Variants in NELFCD observed in about 807,000 individuals in gnomAD.
NELFCD encodes negative elongation factor complex member C/D.
In NELFCD, 48 loss-of-function variants were observed where a neutral mutation model predicts 72.9. The observed-to-expected ratio is 0.66, with a 90% CI of 0.52 to 0.84. The LOEUF (loss-of-function observed/expected upper bound fraction) is 0.84. Among genes scored for constraint, NELFCD ranks in the 40% least tolerant of loss-of-function variants. The pLI is 0.00. For missense variants in NELFCD, 538 were observed against 723.8 expected, an observed-to-expected ratio of 0.74 and a Z score of 2.94; for synonymous variants, 297 against 280.6, an observed-to-expected ratio of 1.06 and a Z score of -0.59.
At chr20:58,983,945 G>C (rs1335319657) in intron 1 of NELFCD, among the ~76,000 whole-genome samples, 5 of 152,146 alleles carry the variant, frequency 3.3e-5, no homozygotes, top group Admixed American at 3.3e-4. Flanking sequence ...TCATGGATGA[G>C]GGGGGTGGAC....
Position 58,994,230 on chromosome 20 carries a change from G to A in NELFCD, c.1702G>A (p.Glu568Lys), listed in dbSNP as rs758741869. 8 of 1,614,114 alleles carry A rather than the reference G, an allele frequency of 5.0e-6. No homozygotes were observed. The Middle Eastern group carries it at 4.9e-4, about 100-fold the overall frequency. ...KTEGEHDPVT[E>K]FIAHCKSNFI... ...GGAAGGCGAGCATGACCCTGTGACG[G>A]AGTTTATAGGTGAGGCCGACTGCCT... is the stretch of plus-strand genomic sequence containing the variant. Residue 568 changes from glutamate (E) to lysine (K), a missense_variant, in exon 14 of 15, where the codon GAG becomes AAG. Glu to Lys is a moderately conservative substitution (Grantham distance 56). Coordinates refer to ENST00000652272, the MANE Select transcript of NELFCD (RefSeq NM_198976.4).
intron 7 of NELFCD, 141 bp downstream of exon 7, chr20:58,990,129 G>T: frequency 9.0e-7 from 1 of 1,116,682 alleles, no homozygotes; most frequent in Non-Finnish European, 1.3e-6. Flanking sequence ...GGGCGTGGTG[G>T]CTCACGCCTG....
chr20:58,992,083 AT>A, intron 10 of NELFCD, 63 bp downstream of exon 10: 1 of 1,494,290 alleles, frequency 6.7e-7, no homozygotes, highest in Non-Finnish European at 9.0e-7. Context: ...TTGAGTTTTC[AT>A]ATTGAAAGCT....
chr20:58,993,391 C>G lies in NELFCD; in HGVS notation c.1345-58C>G. On this transcript the variant is annotated intron_variant, in intron 11 of 14. Coordinates refer to ENST00000652272, the MANE Select transcript of NELFCD (RefSeq NM_198976.4). This position sits in a 1 kb window ranked among gnomAD's most constrained non-coding sequence, Gnocchi z 5.0. The stretch of plus-strand genomic sequence containing the variant: ...TGGTGGCTGTGACAGTGCCCAGTTT[C>G]TCTGTGTGCTGAGCGTGACCACACT... 1.3e-6 allele frequency: 2 copies of G among 1,534,392 alleles called. No homozygotes were observed. The highest frequency in any genetic ancestry group is 2.3e-5 in the South Asian group (2 of 87,686).
Position 58,981,292 on chromosome 20 carries a change from G to C in NELFCD, c.-18G>C. ...TCGCTCGCGGGAGGGCATGGCGGGG[G>C]CCGTGCCGGGCGCCATCATGGACGA... On this transcript the variant is annotated 5_prime_UTR_variant, in exon 1 of 15. Transcript: ENST00000652272. 1 of 1,072,748 alleles carries C rather than the reference G, an allele frequency of 9.3e-7. No individual in the cohort carries two copies. The highest frequency in any genetic ancestry group is 1.1e-6 in the Non-Finnish European group (1 of 883,962). 66.5% of individuals were successfully genotyped at this position (1,072,748 alleles called of 1,614,324 possible).
chr20:58,982,639 A>G (rs2091744011), intron 1 of NELFCD, among the ~76,000 whole-genome samples: 2 of 152,212 alleles, frequency 1.3e-5, no homozygotes, highest in African/African-American at 4.8e-5. Flanking sequence ...TGGAACTGAA[A>G]GAAGCCCTGT....
chr20:58,992,915 T>C, intron 10 of NELFCD, 83 bp from the exon 11 acceptor site: 1 of 1,049,396 alleles, frequency 9.5e-7, no homozygotes, highest in African/African-American at 1.6e-5. Context: ...TTTGAGTTTG[T>C]TTTTAACTTT....
Position 58,986,049 on chromosome 20 carries a change from G to A in NELFCD, c.61-44G>A. On this transcript the variant is annotated intron_variant, in intron 1 of 14. Coordinates refer to ENST00000652272, the MANE Select transcript of NELFCD (RefSeq NM_198976.4). The surrounding 1 kb of genome is among the most constrained non-coding windows in gnomAD (Gnocchi z 4.4). ...GATTTAAGGTGAGATTAGGGTATTT[G>A]TATTAATGAAAAAAATATCCTGGCT... 2 of 1,273,126 alleles carry A rather than the reference G, an allele frequency of 1.6e-6. No homozygotes were observed. The highest frequency in any genetic ancestry group is 2.3e-6 in the Non-Finnish European group (2 of 868,664). The allele number at this position is 1,273,126 out of a possible 1,614,324, so 78.9% of individuals were successfully genotyped here.
In NELFCD at chr20:58,986,343, T is replaced by A; in HGVS notation, c.176+135T>A. On this transcript the variant is annotated intron_variant, in intron 2 of 14. Coordinates refer to ENST00000652272, the MANE Select transcript of NELFCD (RefSeq NM_198976.4). The surrounding 1 kb of genome is among the most constrained non-coding windows in gnomAD (Gnocchi z 4.4). ...AAAGGCTTCAAGGGGGGGTCCCCTC[T>A]GCCACTTTTTTTTTTTTTTTAAATT... The A allele has an allele frequency of 1.6e-6, 1 of 608,636 alleles. No homozygotes were observed. Among genetic ancestry groups the A allele is most frequent in the Non-Finnish European group, 2.9e-6 (1 of 350,770 alleles). 37.7% of individuals were successfully genotyped at this position (608,636 alleles called of 1,614,324 possible).
chr20:58,986,645 C>G lies in NELFCD; in HGVS notation c.177-109C>G, dbSNP rs1265819508. 26 of 812,188 alleles carry G rather than the reference C, an allele frequency of 3.2e-5. No homozygotes were observed. The highest frequency in any genetic ancestry group is 5.5e-5 in the Non-Finnish European group (25 of 453,642). The allele number at this position is 812,188 out of a possible 1,614,324, so 50.3% of individuals were successfully genotyped here. A position where few individuals can be genotyped will look rare whatever the true frequency, so the allele number is the denominator to read the frequency against. On this transcript the variant is annotated intron_variant, in intron 2 of 14. Transcript: ENST00000652272. This position sits in a 1 kb window ranked among gnomAD's most constrained non-coding sequence, Gnocchi z 4.4. ...GGTGTGCACCACTGCACCCAGCCCC[C>G]TCCGCTGCTTTAAAAATTTTGAAAC...
At chr20:58,985,951 A>G in intron 1 of NELFCD, 142 bp from the exon 2 acceptor site, 1 of 658,554 alleles carries the variant, frequency 1.5e-6, no homozygotes, top group Non-Finnish European at 2.7e-6. Context: ...TGTCCAGCCC[A>G]TTTCATGAAA....
intron 8 of NELFCD, 33 bp from the exon 9 acceptor site, chr20:58,991,279 G>A (rs2091814677): frequency 1.2e-6 from 2 of 1,613,306 alleles, no homozygotes; most frequent in African/African-American, 1.3e-5. Context: ...CCTCACGCCT[G>A]CCATCCCGAA....
At position 58,989,936 on chromosome 20, in the gene NELFCD, G is replaced by A. The variant is rs1332107330; in HGVS notation, c.736G>A (p.Gly246Ser). The A allele has an allele frequency of 6.2e-7, 1 of 1,614,094 alleles. No homozygotes were observed. The highest frequency in any genetic ancestry group is 1.1e-5 in the South Asian group (1 of 91,074). The change falls in exon 7 of 15, where the codon GGC (glycine) becomes AGC (serine). Residue 246 changes from glycine (G) to serine (S), a missense_variant. By Grantham distance (56) the Gly-to-Ser change is moderately conservative. This residue lies in a region of NELFCD where 355 missense variants were observed against 534.5 expected (regional missense o/e 0.66). Transcript: ENST00000652272. ...CGTGCTGGCCCAGGAGGAGCAGGGG[G>A]GCTCCGCTGTGCGCAGGATCGCCCA... ...MSVLAQEEQGGSAVRRIAQEV... is the reference protein window; with the variant it reads ...MSVLAQEEQGSSAVRRIAQEV...
rs766549981 is a variant in NELFCD, at chr20:58,986,128, G to A, written c.96G>A (p.Ala32=). ...EDDSGEGEDD[A]EVQQECLHKF... ...ATTCTGGAGAAGGAGAGGATGATGCGGAGGTTCAGCAAGAATGCCTGCATA... is the reference window on the plus strand; with the variant it reads ...ATTCTGGAGAAGGAGAGGATGATGCAGAGGTTCAGCAAGAATGCCTGCATA... The change falls in exon 2 of 15, where the codon GCG becomes GCA. Residue 32 remains alanine, a synonymous_variant. Transcript: ENST00000652272. The surrounding 1 kb of genome is among the most constrained non-coding windows in gnomAD (Gnocchi z 4.4). 28 of 1,613,810 alleles carry A rather than the reference G, an allele frequency of 1.7e-5. No homozygotes were observed. The highest frequency in any genetic ancestry group is 4.0e-5 in the African/African-American group (3 of 74,918).
At position 58,993,366 on chromosome 20, in the gene NELFCD, T is replaced by C; in HGVS notation, c.1345-83T>C. On this transcript the variant is annotated intron_variant, in intron 11 of 14. Coordinates refer to ENST00000652272, the MANE Select transcript of NELFCD (RefSeq NM_198976.4). This position sits in a 1 kb window ranked among gnomAD's most constrained non-coding sequence, Gnocchi z 5.0. ...CCTTCTTCCACAGTGATAAGCTCTT[T>C]GGTGGCTGTGACAGTGCCCAGTTTC... The C allele has an allele frequency of 4.5e-6, 6 of 1,329,092 alleles. No individual in the cohort carries two copies. In the African/African-American group the frequency reaches 7.2e-5, roughly 16 times the overall value. The allele number at this position is 1,329,092 out of a possible 1,614,324, so 82.3% of individuals were successfully genotyped here. A position where few individuals can be genotyped will look rare whatever the true frequency, so the allele number is the denominator to read the frequency against.
chr20:58,991,627 C>T (rs2091818105), intron 9 of NELFCD, 181 bp downstream of exon 9: 1 of 769,098 alleles, frequency 1.3e-6, no homozygotes, highest in South Asian at 1.9e-5. Flanking sequence ...CGTAATGTCT[C>T]CAATGCTCTG....
At chr20:58,991,706 C>T (rs2091818604) in intron 9 of NELFCD, 175 bp from the exon 10 acceptor site, 5 of 765,484 alleles carry the variant, frequency 6.5e-6, no homozygotes, top group Non-Finnish European at 1.0e-5. Flanking sequence ...AAACACTAGT[C>T]TCATTGCTTT....
chr20:58,993,321 C>G lies in NELFCD; in HGVS notation c.1345-128C>G. ...GTCAAGTGTTACTGGAAGCTGATGG[C>G]CCTGGCTTAGGTGTCAGGACCTTCT... On this transcript the variant is annotated intron_variant, in intron 11 of 14. Transcript: ENST00000652272. This position sits in a 1 kb window ranked among gnomAD's most constrained non-coding sequence, Gnocchi z 5.0. 1.1e-6 allele frequency: 1 copy of G among 928,062 alleles called. No homozygotes were observed. The highest frequency in any genetic ancestry group is 1.7e-5 in the South Asian group (1 of 60,374). 57.5% of individuals were successfully genotyped at this position (928,062 alleles called of 1,614,324 possible). A position where few individuals can be genotyped will look rare whatever the true frequency, so the allele number is the denominator to read the frequency against.
At chr20:58,982,140 ATTTTTTTTTTTTTTTTTT>A (rs751696443) in intron 1 of NELFCD, among the ~76,000 whole-genome samples, 29 of 68,398 alleles carry the variant, frequency 4.2e-4, no homozygotes, top group African/African-American at 9.9e-4. Context: ...GGGAACTTGC[ATTTTTTTTTTTTTTTTTT>A]TTTTTTTTTT....
Sources: allele counts gnomAD v4.1 joint callset (sites outside exome capture counted in the v4.1 genomes callset), GRCh38; gene constraint gnomAD v4.1.1; regional missense constraint gnomAD v4.1.1; non-coding constraint Gnocchi (gnomAD v3.1); transcripts MANE v1.5; gene names NCBI Gene and HGNC (gene_info 2026-07-23, HGNC 2026-07-21).